The following ZNF385D variants were observed in gnomAD, a reference collection of about 807,000 sequenced individuals.
ZNF385D encodes zinc finger protein 659.
ZNF385D carries 15 observed loss-of-function variants against 35.8 expected under a neutral mutation model. The observed-to-expected ratio is 0.42, with a 90% confidence interval of 0.28 to 0.64. The LOEUF is 0.64. Ranked by LOEUF, ZNF385D falls within the 30% of genes least tolerant of loss-of-function variation. The pLI, the probability that ZNF385D is intolerant of heterozygous loss-of-function variation, is 0.23. For synonymous variants in ZNF385D, 212 were observed against 186.8 expected (o/e 1.13, Z -1.10); for missense variants, 474 against 494.6 (o/e 0.96, Z 0.39).
intron 3 of ZNF385D, among the ~76,000 whole-genome samples, chr3:22,045,486 A>C (rs1031863676): frequency 2.6e-5 from 4 of 152,066 alleles, no homozygotes; most frequent in Non-Finnish European, 4.4e-5. Flanking sequence ...AGAGTCCTAT[A>C]AGCTCCCACT....
At chr3:21,661,911 A>G (rs1269826147) in intron 2 of ZNF385D, among the ~76,000 whole-genome samples, 2 of 152,174 alleles carry the variant, frequency 1.3e-5, no homozygotes, top group Non-Finnish European at 2.9e-5. Flanking sequence ...GTGGAAGACA[A>G]TAATAAGAGA....
chr3:21,585,279 G>A (rs2063777388), intron 2 of ZNF385D, among the ~76,000 whole-genome samples: 1 of 152,084 alleles, frequency 6.6e-6, no homozygotes, highest in Admixed American at 6.6e-5. Flanking sequence ...CATGATTTAG[G>A]ATCATGTCAC....
intron 2 of ZNF385D, among the ~76,000 whole-genome samples, chr3:22,261,913 CT>C (rs746338870): frequency 6.6e-6 from 1 of 151,932 alleles, no homozygotes; most frequent in Admixed American, 6.6e-5. Flanking sequence ...GTATCTTAAC[CT>C]TTTTTTGTTG....
chr3:21,886,941 C>A (rs548017255), intron 3 of ZNF385D, among the ~76,000 whole-genome samples: 2 of 152,228 alleles, frequency 1.3e-5, no homozygotes, highest in Admixed American at 1.3e-4. Flanking sequence ...ATGACTAGAA[C>A]GTCTGCCACT....
intron 3 of ZNF385D, among the ~76,000 whole-genome samples, chr3:21,999,049 C>CT (rs1443120705): frequency 2.6e-5 from 4 of 152,178 alleles, no homozygotes; most frequent in African/African-American, 9.6e-5. Flanking sequence ...ACTACACCTC[C>CT]TAAGTCCTGT....
chr3:21,881,523 T>C (rs572074094), intron 3 of ZNF385D, among the ~76,000 whole-genome samples: 5 of 152,146 alleles, frequency 3.3e-5, no homozygotes, highest in South Asian at 2.1e-4. Context: ...TTACTGTCCA[T>C]TGACAACATA....
chr3:21,639,361 TAGTA>T (rs2065535154), intron 2 of ZNF385D, among the ~76,000 whole-genome samples: 1 of 152,086 alleles, frequency 6.6e-6, no homozygotes, highest in African/African-American at 2.4e-5. Flanking sequence ...ATATGATACA[TAGTA>T]AGTATCCAAT....
intron 3 of ZNF385D, among the ~76,000 whole-genome samples, chr3:21,823,019 T>C (rs1293455215): frequency 6.6e-6 from 1 of 152,066 alleles, no homozygotes. Flanking sequence ...AAAACAGTAA[T>C]ACAAGAGAAT....
intron 3 of ZNF385D, among the ~76,000 whole-genome samples, chr3:22,014,724 G>T (rs1485186804): frequency 1.3e-5 from 2 of 151,932 alleles, no homozygotes; most frequent in East Asian, 3.9e-4. Flanking sequence ...AAATAAGAAA[G>T]TGCAAACCGC....
chr3:21,971,007 A>G (rs1703219770), intron 3 of ZNF385D, among the ~76,000 whole-genome samples: 1 of 152,138 alleles, frequency 6.6e-6, no homozygotes, highest in South Asian at 2.1e-4. Flanking sequence ...ATAGTTTTCC[A>G]GACAATCAAA....
intron 3 of ZNF385D, among the ~76,000 whole-genome samples, chr3:22,143,723 A>G (rs1217366719): frequency 3.3e-5 from 5 of 152,168 alleles, no homozygotes; most frequent in African/African-American, 1.2e-4. Flanking sequence ...TTTTTACTTA[A>G]GATTATGTTC....
intron 3 of ZNF385D, among the ~76,000 whole-genome samples, chr3:22,069,012 G>A (rs1307833773): frequency 1.3e-5 from 2 of 152,130 alleles, no homozygotes; most frequent in Non-Finnish European, 2.9e-5. Context: ...TTGTTTTCAT[G>A]CTCAGTGTTT....
intron 3 of ZNF385D, among the ~76,000 whole-genome samples, chr3:21,855,493 G>A (rs1425547672): frequency 1.3e-5 from 2 of 151,964 alleles, no homozygotes; most frequent in African/African-American, 4.8e-5. Context: ...AATCCAGTGA[G>A]TCTAGATTCC....
chr3:22,230,034 A>G (rs1386759825), intron 2 of ZNF385D, among the ~76,000 whole-genome samples: 1 of 152,216 alleles, frequency 6.6e-6, no homozygotes, highest in African/African-American at 2.4e-5. Context: ...CAGTTACTTT[A>G]TATCTTGATA....
intron 2 of ZNF385D, among the ~76,000 whole-genome samples, chr3:21,599,011 AT>A (rs1237770626): frequency 6.6e-6 from 1 of 152,174 alleles, no homozygotes; most frequent in Non-Finnish European, 1.5e-5. Flanking sequence ...GGCTGAAGAG[AT>A]TTCCACTAAA....
chr3:22,216,962 G>T (rs1405625435), intron 2 of ZNF385D, among the ~76,000 whole-genome samples: 1 of 152,148 alleles, frequency 6.6e-6, no homozygotes, highest in Non-Finnish European at 1.5e-5. Context: ...TGCCTGCCAA[G>T]TAGAAGCATC....
At chr3:21,660,198 G>A (rs1465525784) in intron 2 of ZNF385D, among the ~76,000 whole-genome samples, 1 of 151,908 alleles carries the variant, frequency 6.6e-6, no homozygotes, top group African/African-American at 2.4e-5. Flanking sequence ...TTATACAGAG[G>A]AGCAGCACAG....
At chr3:21,425,162 T>C (rs943801330) in intron 6 of ZNF385D, among the ~76,000 whole-genome samples, 10 of 152,244 alleles carry the variant, frequency 6.6e-5, no homozygotes, top group Non-Finnish European at 1.2e-4. Flanking sequence ...ATCAACACTT[T>C]TGAGTGGAAA....
At chr3:21,780,284 G>A (rs1335877000) in intron 3 of ZNF385D, among the ~76,000 whole-genome samples, 1 of 151,856 alleles carries the variant, frequency 6.6e-6, no homozygotes, top group Admixed American at 6.6e-5. Flanking sequence ...GAAAGTAATA[G>A]ATTAATACAG....
Sources: gnomAD v4.1 joint callset for allele counts (sites outside exome capture counted in the v4.1 genomes callset) on GRCh38, gnomAD v4.1.1 for gene constraint, MANE v1.5 for transcripts, NCBI Gene and HGNC (gene_info 2026-07-23, HGNC 2026-07-21) for gene names.